Variants in ARMC3 observed in about 807,000 individuals in gnomAD.
The protein encoded by ARMC3 is armadillo repeat containing 3, also known as armadillo repeat-containing protein 3.
A neutral mutation model predicts 90.3 loss-of-function variants in ARMC3; 74 were observed. The observed-to-expected ratio is 0.82, with a 90% CI of 0.68 to 0.99. The LOEUF (loss-of-function observed/expected upper bound fraction) is 0.99, where lower values mean the gene tolerates loss of function less well. Ranked by LOEUF, ARMC3 falls within the 50% of genes least tolerant of loss-of-function variation. The pLI is 0.00. For synonymous variants in ARMC3, 334 were observed against 361.8 expected, an observed-to-expected ratio of 0.92 and a Z score of 0.87; for missense variants, 958 against 1,042.8, an observed-to-expected ratio of 0.92 and a Z score of 1.12.
chr10:22,945,904 A>G (rs1331945662), intron 2 of ARMC3, among the ~76,000 whole-genome samples: 1 of 152,210 alleles, frequency 6.6e-6, no homozygotes, highest in African/African-American at 2.4e-5. Flanking sequence ...TTGAGAAACT[A>G]GACCTGTCAG....
chr10:22,949,877 G>A (rs1487820704), intron 3 of ARMC3, among the ~76,000 whole-genome samples: 2 of 151,988 alleles, frequency 1.3e-5, no homozygotes, highest in Non-Finnish European at 1.5e-5. Context: ...GTAAAAACAT[G>A]TTACATTCAA....
chr10:22,974,617 C>T (rs1211093791), intron 8 of ARMC3, among the ~76,000 whole-genome samples: 2 of 148,830 alleles, frequency 1.3e-5, no homozygotes, highest in South Asian at 2.2e-4. Context: ...ATAGATTCCC[C>T]TCTCTAAAAT....
At chr10:23,032,726 C>A in intron 17 of ARMC3, 135 bp from the exon 18 acceptor site, 2 of 911,380 alleles carry the variant, frequency 2.2e-6, no homozygotes, top group Non-Finnish European at 3.2e-6. Flanking sequence ...ATGGTTAGTA[C>A]TTTCTCAAAA....
At chr10:23,005,539 G>C (rs1837558929) in intron 13 of ARMC3, among the ~76,000 whole-genome samples, 1 of 152,156 alleles carries the variant, frequency 6.6e-6, no homozygotes, top group African/African-American at 2.4e-5. Flanking sequence ...CACCAAACAT[G>C]ATACTGAAAT....
chr10:22,980,472 T>C (rs191695193), intron 8 of ARMC3, among the ~76,000 whole-genome samples: 7 of 152,068 alleles, frequency 4.6e-5, no homozygotes, highest in African/African-American at 1.7e-4. Context: ...TAGAACATAC[T>C]TTAATAAAGA....
At chr10:22,999,648 G>A (rs1837187004) in intron 11 of ARMC3, among the ~76,000 whole-genome samples, 1 of 152,170 alleles carries the variant, frequency 6.6e-6, no homozygotes, top group Non-Finnish European at 1.5e-5. Flanking sequence ...TACAGATGAG[G>A]AAAATGAGGC....
chr10:22,998,967 C>T (rs1345198030), intron 11 of ARMC3, among the ~76,000 whole-genome samples: 2 of 152,084 alleles, frequency 1.3e-5, no homozygotes, highest in East Asian at 1.9e-4. Flanking sequence ...ATGCTGAATC[C>T]GAAATTCAAG....
At chr10:22,975,644 A>G (rs1030837458) in intron 8 of ARMC3, among the ~76,000 whole-genome samples, 19 of 152,176 alleles carry the variant, frequency 1.2e-4, no homozygotes, top group African/African-American at 4.3e-4. Flanking sequence ...TTTTGCATAT[A>G]TGATTTTTTT....
intron 10 of ARMC3, among the ~76,000 whole-genome samples, chr10:22,995,789 T>C (rs536206566): frequency 1.1e-4 from 16 of 152,346 alleles, no homozygotes; most frequent in East Asian, 3.9e-4. Flanking sequence ...TGTATGACCC[T>C]GCGAACTCCT....
At chr10:23,007,095 G>T in intron 14 of ARMC3, 114 bp downstream of exon 14, 2 of 804,764 alleles carry the variant, frequency 2.5e-6, no homozygotes, top group South Asian at 3.6e-5. Context: ...CCTGTATCTA[G>T]CACCTCCATG....
Position 23,002,024 on chromosome 10 carries a change from G to A in ARMC3, c.1531G>A (p.Glu511Lys), listed in dbSNP as rs753511841. Residue 511 changes from glutamate (E) to lysine (K), a missense_variant, in exon 12 of 19, where the codon GAG (glutamate) becomes AAG (lysine). Coordinates refer to ENST00000298032, the MANE Select transcript of ARMC3 (RefSeq NM_173081.5). ...SWAVMVCAGD[E>K]LTANELCRLG... ...GGCAGTGATGGTCTGTGCTGGTGAC[G>A]AGCTGACGGCCAATGAATTATGCAG... is the stretch of plus-strand genomic sequence containing the variant. The A allele has an allele frequency of 3.7e-6, 6 of 1,613,726 alleles. No individual in the cohort carries two copies. The highest frequency in any genetic ancestry group is 3.3e-5 in the Admixed American group (2 of 59,992).
At chr10:23,036,481 G>T (rs1403827198) in intron 18 of ARMC3, among the ~76,000 whole-genome samples, 1 of 152,146 alleles carries the variant, frequency 6.6e-6, no homozygotes, top group Non-Finnish European at 1.5e-5. Flanking sequence ...TTAAGCACTG[G>T]ACAGATAATT....
chr10:23,025,492 T>C (rs572559733), intron 16 of ARMC3, among the ~76,000 whole-genome samples: 2 of 152,150 alleles, frequency 1.3e-5, no homozygotes, highest in East Asian at 3.9e-4. Context: ...CACTTCTCAA[T>C]AATCCATGGG....
Position 22,950,792 on chromosome 10 carries a change from G to A in ARMC3, c.166+4531G>A, listed in dbSNP as rs373427766. 2.0e-5 allele frequency among the ~76,000 whole-genome samples: 3 copies of A among 152,230 alleles called. No individual in the cohort carries two copies. The East Asian group carries it at 5.8e-4, about 29-fold the overall frequency. On this transcript the variant is annotated intron_variant, in intron 3 of 18. Transcript: ENST00000298032. ...AAAAGGATGACAACAGATATGTCATGCTAGCATGAATCAAAAGAAAGCCCA... is the reference window on the plus strand; with the variant it reads ...AAAAGGATGACAACAGATATGTCATACTAGCATGAATCAAAAGAAAGCCCA...
At position 22,973,579 on chromosome 10, in the gene ARMC3, A is replaced by G. The variant is rs114413658; in HGVS notation, c.916+5090A>G. ...ATATTTTCTGAATAGACAAAAAGATATATTTCCTGTAGAATGCAGAGTTTA... is the reference window on the plus strand; with the variant it reads ...ATATTTTCTGAATAGACAAAAAGATGTATTTCCTGTAGAATGCAGAGTTTA... On this transcript the variant is annotated intron_variant, in intron 8 of 18. Transcript: ENST00000298032. Among the ~76,000 whole-genome samples, 137 of 151,210 alleles carry G rather than the reference A, an allele frequency of 9.1e-4. 2 individuals carry two copies. Among genetic ancestry groups the G allele is most frequent in the African/African-American group, 3.1e-3 (128 of 41,424 alleles).
At position 22,998,414 on chromosome 10, in the gene ARMC3, CAT is replaced by C. The variant is rs573409685; in HGVS notation, c.1425+18_1425+19del. ...CGGACTGAGGTGAGAATTTTAATAA[CAT>C]GTGTTCTCTCATTTTTCTGGTTAGT... On this transcript the variant is annotated intron_variant, in intron 11 of 18. Coordinates refer to ENST00000298032, the MANE Select transcript of ARMC3 (RefSeq NM_173081.5). 2.6e-3 allele frequency: 4,115 copies of C among 1,612,474 alleles called. 8 individuals are homozygous for C. The highest frequency in any genetic ancestry group is 6.0e-3 in the African/African-American group (448 of 75,028).
At chr10:22,988,530 A>G (rs1836562655) in intron 10 of ARMC3, among the ~76,000 whole-genome samples, 1 of 152,126 alleles carries the variant, frequency 6.6e-6, no homozygotes, top group Non-Finnish European at 1.5e-5. Flanking sequence ...TATTGTTACC[A>G]TTTCTTTTAT....
chr10:22,966,029 G>C (rs763426881), intron 7 of ARMC3, among the ~76,000 whole-genome samples: 1 of 152,232 alleles, frequency 6.6e-6, no homozygotes, highest in Non-Finnish European at 1.5e-5. Flanking sequence ...TTAAGAATGA[G>C]CATTGTAGAT....
At chr10:23,020,967 C>T (rs904547779) in intron 16 of ARMC3, among the ~76,000 whole-genome samples, 1 of 152,120 alleles carries the variant, frequency 6.6e-6, no homozygotes, top group Non-Finnish European at 1.5e-5. Flanking sequence ...ACCTCCCCCA[C>T]CTGGTAGCCC....
Sources: gnomAD v4.1 joint callset for allele counts (sites outside exome capture counted in the v4.1 genomes callset) on GRCh38, gnomAD v4.1.1 for gene constraint, MANE v1.5 for transcripts, NCBI Gene and HGNC (gene_info 2026-07-23, HGNC 2026-07-21) for gene names.